Variants in PRR5L observed in about 807,000 individuals in gnomAD.
PRR5L encodes proline-rich protein 5-like.
PRR5L carries 21 observed loss-of-function variants against 36.4 expected under a neutral mutation model. The ratio of observed to expected loss-of-function variants is 0.58; its 90% CI spans 0.41 to 0.83. The LOEUF is 0.83. Ranked by LOEUF, PRR5L falls within the 40% of genes least tolerant of loss-of-function variation. The pLI is 0.00. For missense variants in PRR5L, 381 were observed against 473.3 expected (o/e 0.80, Z 1.81); for synonymous variants, 188 against 197.0 (o/e 0.95, Z 0.38).
chr11:36,308,147 T>C (rs185993816), intron 1 of PRR5L, among the ~76,000 whole-genome samples: 2 of 152,296 alleles, frequency 1.3e-5, no homozygotes. Flanking sequence ...GGGAAATGGA[T>C]GTTGTAGAGT....
chr11:36,413,299 G>A (rs140052171), intron 3 of PRR5L, among the ~76,000 whole-genome samples: 487 of 152,244 alleles, frequency 3.2e-3, no homozygotes, highest in African/African-American at 0.011. Flanking sequence ...GGTCTGGATT[G>A]GTGGATTCCC....
At chr11:36,359,801 T>C (rs1350180831) in intron 1 of PRR5L, among the ~76,000 whole-genome samples, 1 of 152,106 alleles carries the variant, frequency 6.6e-6, no homozygotes, top group Non-Finnish European at 1.5e-5. Context: ...TCCCAGCACT[T>C]TGGGAGACCG....
chr11:36,463,012 T>A lies in PRR5L; in HGVS notation c.*276T>A. 2.8e-6 allele frequency: 1 copy of A among 358,236 alleles called. No homozygotes were observed. The highest frequency in any genetic ancestry group is 4.4e-5 in the Admixed American group (1 of 22,944). The allele number at this position is 358,236 out of a possible 1,614,324, so 22.2% of individuals were successfully genotyped here. A position where few individuals can be genotyped will look rare whatever the true frequency, so the allele number is the denominator to read the frequency against. On this transcript the variant is annotated 3_prime_UTR_variant, in exon 9 of 9. Transcript: ENST00000530639. ...CTTGCCAGCCTGACTCAGATCCTCA[T>A]CTCTGGGCCTTTCTCCCTCCGATGT...
intron 1 of PRR5L, among the ~76,000 whole-genome samples, chr11:36,351,405 A>ATATATATGTATATATATTTATATATT (rs1554987129): frequency 3.8e-5 from 3 of 79,236 alleles, no homozygotes; most frequent in Non-Finnish European, 6.4e-5. Context: ...ATATTTATAA[A>ATATATATGTATATATATTTATATATT]TATATATGTA....
intron 1 of PRR5L, among the ~76,000 whole-genome samples, chr11:36,353,829 G>C (rs1339951935): frequency 2.0e-5 from 3 of 152,150 alleles, no homozygotes; most frequent in African/African-American, 7.2e-5. Flanking sequence ...ATTCCTAACA[G>C]GCCACAGACT....
intron 1 of PRR5L, among the ~76,000 whole-genome samples, chr11:36,368,896 A>C (rs983796879): frequency 1.4e-4 from 22 of 152,344 alleles, no homozygotes; most frequent in African/African-American, 5.1e-4. Flanking sequence ...GACACTACCC[A>C]CGAAAATCAA....
chr11:36,423,919 G>C (rs568166526), intron 4 of PRR5L, among the ~76,000 whole-genome samples: 22 of 152,318 alleles, frequency 1.4e-4, no homozygotes, highest in African/African-American at 5.3e-4. Context: ...TGGGGGCTTC[G>C]AGAAGCACCC....
chr11:36,375,419 A>G (rs1387086530), intron 1 of PRR5L, among the ~76,000 whole-genome samples: 2 of 152,042 alleles, frequency 1.3e-5, no homozygotes, highest in Non-Finnish European at 2.9e-5. Context: ...ACCCGCTCTC[A>G]TGCCCACAAC....
intron 1 of PRR5L, among the ~76,000 whole-genome samples, chr11:36,390,666 G>A (rs1857547461): frequency 6.6e-6 from 1 of 152,178 alleles, no homozygotes; most frequent in African/African-American, 2.4e-5. Flanking sequence ...AGTGCCATAT[G>A]AGGTATGAAA....
chr11:36,394,687 G>C (rs1297291889), intron 1 of PRR5L, among the ~76,000 whole-genome samples: 1 of 152,128 alleles, frequency 6.6e-6, no homozygotes, highest in Non-Finnish European at 1.5e-5. Flanking sequence ...CTCCTCTTCT[G>C]TCTCTAGTAA....
At chr11:36,402,308 A>G (rs1857813742) in intron 2 of PRR5L, among the ~76,000 whole-genome samples, 1 of 152,100 alleles carries the variant, frequency 6.6e-6, no homozygotes, top group African/African-American at 2.4e-5. Flanking sequence ...CAGTGGTGCA[A>G]TCTTGGCTAA....
intron 1 of PRR5L, among the ~76,000 whole-genome samples, chr11:36,381,403 A>C (rs1202014212): frequency 1.4e-5 from 2 of 142,564 alleles, no homozygotes; most frequent in Non-Finnish European, 3.1e-5. Flanking sequence ...GAATAGCTGA[A>C]AGGATTTGTT....
chr11:36,326,302 T>TAC (rs3083243), intron 1 of PRR5L, among the ~76,000 whole-genome samples: 10,364 of 147,342 alleles, frequency 0.07, 362 homozygotes, highest in East Asian at 0.13. Flanking sequence ...CCCCAATAGA[T>TAC]ACACACACAC....
chr11:36,339,048 G>A (rs7945962), intron 1 of PRR5L, among the ~76,000 whole-genome samples: 68,302 of 152,074 alleles, frequency 0.45, 15,779 homozygotes, highest in East Asian at 0.78. Context: ...AGTACCTTCT[G>A]CCCTCTATCA....
intron 1 of PRR5L, among the ~76,000 whole-genome samples, chr11:36,330,128 C>G (rs1856703882): frequency 6.6e-6 from 1 of 152,046 alleles, no homozygotes; most frequent in Non-Finnish European, 1.5e-5. Flanking sequence ...TAAGAATACT[C>G]AATAAGAGTT....
At chr11:36,310,130 A>T (rs367753015) in intron 1 of PRR5L, among the ~76,000 whole-genome samples, 1 of 152,060 alleles carries the variant, frequency 6.6e-6, no homozygotes, top group East Asian at 1.9e-4. Context: ...TACAAATGGT[A>T]CCCCAATTTA....
chr11:36,460,432 T>A (rs1425590839), intron 8 of PRR5L, among the ~76,000 whole-genome samples: 3 of 151,922 alleles, frequency 2.0e-5, no homozygotes, highest in African/African-American at 7.3e-5. Flanking sequence ...GTCCCACAGC[T>A]CCTCCTCCCT....
At chr11:36,369,789 G>A (rs1038240704) in intron 1 of PRR5L, among the ~76,000 whole-genome samples, 2 of 152,044 alleles carry the variant, frequency 1.3e-5, no homozygotes, top group Non-Finnish European at 2.9e-5. Flanking sequence ...TAGAGATGGG[G>A]TTTCACCATG....
rs3083243 is a variant in PRR5L at position 36,326,302 on chromosome 11, T to TACACACAC, written c.-126+29892_-126+29899dup. Among the ~76,000 whole-genome samples the TACACACAC allele has an allele frequency of 5.8e-3, 853 of 147,474 alleles. 6 individuals are homozygous for TACACACAC. The highest frequency in any genetic ancestry group is 0.015 in the African/African-American group (576 of 39,618). On this transcript the variant is annotated intron_variant, in intron 1 of 8. Transcript: ENST00000530639. Reference sequence around the variant, plus strand: ...CACTTTAGTGTGTCTCCCCAATAGATACACACACACACACACACACACACA... The same window carrying TACACACAC: ...CACTTTAGTGTGTCTCCCCAATAGATACACACACACACACACACACACACACACACACA...
Sources: allele counts gnomAD v4.1 joint callset (sites outside exome capture counted in the v4.1 genomes callset), GRCh38; gene constraint gnomAD v4.1.1; transcripts MANE v1.5; gene names NCBI Gene and HGNC (gene_info 2026-07-23, HGNC 2026-07-21).